Variants in SPEG observed in about 807,000 individuals in gnomAD.
The protein encoded by SPEG is striated muscle enriched protein kinase, also known as striated muscle preferentially expressed protein kinase.
SPEG carries 114 observed loss-of-function variants against 300.4 expected under a neutral mutation model. The observed-to-expected ratio is 0.38, with a 90% confidence interval of 0.33 to 0.44. SPEG has a LOEUF of 0.44. Among genes scored for constraint, SPEG ranks in the 20% least tolerant of loss-of-function variants. The probability of loss-of-function intolerance (pLI) is 1.00; values close to 1 mark genes in which losing one functional copy is unlikely to be tolerated. For missense variants in SPEG, 4,201 were observed against 4,586.2 expected (o/e 0.92, Z 2.43); for synonymous variants, 1,964 against 2,018.9 (o/e 0.97, Z 0.73).
intron 6 of SPEG, 50 bp from the exon 7 acceptor site, chr2:219,461,832 A>G (rs1323518627): frequency 1.9e-6 from 3 of 1,573,962 alleles, no homozygotes; most frequent in African/African-American, 1.4e-5. Flanking sequence ...CAGCTCTCCC[A>G]GGCTCTCTGC....
In SPEG at chr2:219,448,773, C is replaced by A; in HGVS notation, c.1615C>A (p.Pro539Thr). The A allele has an allele frequency of 6.9e-7, 1 of 1,439,340 alleles. No individual in the cohort carries two copies. 89.2% of individuals were successfully genotyped at this position (1,439,340 alleles called of 1,614,324 possible). A position where few individuals can be genotyped will look rare whatever the true frequency, so the allele number is the denominator to read the frequency against. Reference sequence around the variant, plus strand: ...CGGCGAGCCCCCGCTCTTCTCTCGGCCCTCCACCCCCAAGACATCGCGGGC... The same window carrying A: ...CGGCGAGCCCCCGCTCTTCTCTCGGACCTCCACCCCCAAGACATCGCGGGC... ...EPGEPPLFSR[P>T]STPKTSRAVS... Residue 539 changes from proline to threonine, a missense_variant, in exon 4 of 41, where the codon CCC becomes ACC. Physicochemically the swap from Pro to Thr is conservative, Grantham distance 38. This residue lies in a region of SPEG where 1,258 missense variants were observed against 1,293.9 expected (regional missense o/e 0.97). Transcript: ENST00000312358.
At chr2:219,472,404 G>A in intron 15 of SPEG, 73 bp downstream of exon 15, 2 of 1,352,234 alleles carry the variant, frequency 1.5e-6, no homozygotes, top group Non-Finnish European at 2.1e-6. Context: ...GGACACCATG[G>A]GGGCCAGGCC....
intron 18 of SPEG, among the ~76,000 whole-genome samples, chr2:219,475,384 T>A (rs541870586): frequency 6.6e-6 from 1 of 152,174 alleles, no homozygotes; most frequent in Non-Finnish European, 1.5e-5. Flanking sequence ...AACTTTCCGG[T>A]GCTTTGACCT....
At position 219,477,239 on chromosome 2, in the gene SPEG, G is replaced by A. The variant is rs748614318; in HGVS notation, c.4561-38G>A. The A allele has an allele frequency of 3.4e-6, 3 of 893,872 alleles. No individual in the cohort carries two copies. In the South Asian group the frequency reaches 4.8e-5, roughly 14 times the overall value. 55.4% of individuals were successfully genotyped at this position (893,872 alleles called of 1,614,324 possible). On this transcript the variant is annotated intron_variant, in intron 19 of 40. Coordinates refer to ENST00000312358, the MANE Select transcript of SPEG (RefSeq NM_005876.5). This position sits in a 1 kb window ranked among gnomAD's most constrained non-coding sequence, Gnocchi z 6.4. Reference sequence around the variant, plus strand: ...GGCCCTGGCCCCAAGGTAGAGATGAGGCCAGGCCCAGGCTGAAGGTGAGAC... The same window carrying A: ...GGCCCTGGCCCCAAGGTAGAGATGAAGCCAGGCCCAGGCTGAAGGTGAGAC...
In SPEG at chr2:219,481,438, T is replaced by C; in HGVS notation, c.5504T>C (p.Val1835Ala). Reference sequence around the variant, plus strand: ...GAGGCCCGGGGCTTCCTCATCAAAGTGTTGGTGCAGGACCGGCTGTGAGTA... The same window carrying C: ...GAGGCCCGGGGCTTCCTCATCAAAGCGTTGGTGCAGGACCGGCTGTGAGTA... ...SREARGFLIK[V>A]LVQDRLRPTA... The change falls in exon 27 of 41, where the codon GTG becomes GCG. Residue 1835 changes from valine to alanine, a missense_variant. This residue lies in a region of SPEG where 1,047 missense variants were observed against 1,356.8 expected (regional missense o/e 0.77). Coordinates refer to ENST00000312358, the MANE Select transcript of SPEG (RefSeq NM_005876.5). The surrounding 1 kb of genome is among the most constrained non-coding windows in gnomAD (Gnocchi z 5.4). 1 of 1,614,076 alleles carries C rather than the reference T, an allele frequency of 6.2e-7. No homozygotes were observed. Among genetic ancestry groups the C allele is most frequent in the South Asian group, 1.1e-5 (1 of 91,074 alleles).
At chr2:219,475,233 G>A (rs1443754858) in intron 18 of SPEG, among the ~76,000 whole-genome samples, 1 of 152,072 alleles carries the variant, frequency 6.6e-6, no homozygotes, top group African/African-American at 2.4e-5. Flanking sequence ...TGATCAACAT[G>A]GGCTAAACAG....
chr2:219,482,973 T>C, intron 29 of SPEG, 121 bp downstream of exon 29: 2 of 1,406,832 alleles, frequency 1.4e-6, no homozygotes, highest in South Asian at 2.5e-5. Flanking sequence ...GCTCCATGCC[T>C]AGCTTCCTGC....
chr2:219,470,683 G>A (rs1167032593), intron 13 of SPEG, among the ~76,000 whole-genome samples: 1 of 152,246 alleles, frequency 6.6e-6, no homozygotes. Flanking sequence ...TCCTCTCTGT[G>A]TCTTCGCCAG....
chr2:219,449,241 C>T lies in SPEG; in HGVS notation c.2083C>T (p.Arg695Cys). Residue 695 changes from arginine to cysteine, a missense_variant, in exon 4 of 41, where the codon CGC becomes TGC. Coordinates refer to ENST00000312358, the MANE Select transcript of SPEG (RefSeq NM_005876.5). ...RRGARSQGKGRRARPTSPELE... is the reference protein window; with the variant it reads ...RRGARSQGKGCRARPTSPELE... ...AGGGGCCCGCAGCCAGGGCAAAGGT[C>T]GCCGGGCCCGGCCCACCTCCCCTGA... 2 of 1,390,980 alleles carry T rather than the reference C, an allele frequency of 1.4e-6. No homozygotes were observed. 86.2% of individuals were successfully genotyped at this position (1,390,980 alleles called of 1,614,324 possible).
chr2:219,465,599 T>TCA (rs1363061260), intron 9 of SPEG: 5 of 209,560 alleles, frequency 2.4e-5, no homozygotes, highest in Non-Finnish European at 4.8e-5. Context: ...CCCCCAGGCT[T>TCA]TGGGGTGCTC....
chr2:219,490,286 G>T, intron 36 of SPEG, 123 bp from the exon 37 acceptor site: 1 of 1,360,112 alleles, frequency 7.4e-7, no homozygotes, highest in East Asian at 2.3e-5. Flanking sequence ...GAACTCTGGA[G>T]CCCACACTGG....
At position 219,484,709 on chromosome 2, in the gene SPEG, C is replaced by T; in HGVS notation, c.7246C>T (p.Arg2416Trp). ...VRRLSLSLSQRLRRTPPAQRH... is the reference protein window; with the variant it reads ...VRRLSLSLSQWLRRTPPAQRH... ...CCGCCTCTCGCTGTCACTGTCCCAGCGGCTGCGGCGGACCCCTCCCGCGCA... is the reference window on the plus strand; with the variant it reads ...CCGCCTCTCGCTGTCACTGTCCCAGTGGCTGCGGCGGACCCCTCCCGCGCA... The change falls in exon 30 of 41, where the codon CGG (arginine) becomes TGG (tryptophan). Residue 2416 changes from arginine to tryptophan, a missense_variant. By Grantham distance (101) the Arg-to-Trp change is moderately radical (BLOSUM62 -3). This residue lies in a region of SPEG where 1,578 missense variants were observed against 1,506.0 expected (regional missense o/e 1.05). Coordinates refer to ENST00000312358, the MANE Select transcript of SPEG (RefSeq NM_005876.5). 2 of 1,505,514 alleles carry T rather than the reference C, an allele frequency of 1.3e-6. No homozygotes were observed. The highest frequency in any genetic ancestry group is 8.8e-7 in the Non-Finnish European group (1 of 1,136,962). The allele number at this position is 1,505,514 out of a possible 1,614,324, so 93.3% of individuals were successfully genotyped here. A position where few individuals can be genotyped will look rare whatever the true frequency, so the allele number is the denominator to read the frequency against.
In SPEG at chr2:219,443,531, C is replaced by G. The variant is rs968306280; in HGVS notation, c.389-1122C>G. The G allele has an allele frequency of 1.5e-5, 5 of 326,178 alleles. No individual in the cohort carries two copies. The highest frequency in any genetic ancestry group is 1.4e-4 in the East Asian group (2 of 13,846). 20.2% of individuals were successfully genotyped at this position (326,178 alleles called of 1,614,324 possible). A position where few individuals can be genotyped will look rare whatever the true frequency, so the allele number is the denominator to read the frequency against. On this transcript the variant is annotated intron_variant, in intron 1 of 40. Transcript: ENST00000312358. This position sits in a 1 kb window ranked among gnomAD's most constrained non-coding sequence, Gnocchi z 4.6. ...GGAAAGTTGAAAATACTCCCAGGAA[C>G]CTTTTCTCCTAACCTAACCACTGGG...
rs1274915434 is a variant in SPEG, at chr2:219,489,123, T to A, written c.8219T>A (p.Val2740Asp). 6 of 1,613,938 alleles carry A rather than the reference T, an allele frequency of 3.7e-6. No homozygotes were observed. The highest frequency in any genetic ancestry group is 2.2e-5 in the South Asian group (2 of 91,082). The part of the protein sequence containing the change: ...DCYYNVTHLP[V>D]GVTVRFRVAC... ...TACTACAACGTGACCCACCTGCCAG[T>A]TGGCGTGACTGTGAGGTTCCGTGTG... Residue 2740 changes from valine to aspartate, a missense_variant, in exon 35 of 41, where the codon GTT (valine) becomes GAT (aspartate). By Grantham distance (152) the Val-to-Asp change is radical (BLOSUM62 -3). Coordinates refer to ENST00000312358, the MANE Select transcript of SPEG (RefSeq NM_005876.5).
At chr2:219,492,303 C>G in intron 40 of SPEG, 43 bp downstream of exon 40, 2 of 1,580,386 alleles carry the variant, frequency 1.3e-6, no homozygotes, top group Non-Finnish European at 1.7e-6. Context: ...GTTACCTGCC[C>G]CTGGCCTGGC....
intron 1 of SPEG, chr2:219,442,007 C>A (rs968414): frequency 7.1e-6 from 4 of 563,732 alleles, no homozygotes; most frequent in African/African-American, 2.0e-5. Context: ...CGCCCCCGCC[C>A]GTCCCCTCCT....
In SPEG at chr2:219,467,308, C is replaced by T. The variant is rs1239959623; in HGVS notation, c.3016C>T (p.Arg1006Cys). Reference sequence around the variant, plus strand: ...GGAGGTGGATTGGCTGTGCCGTGGCCGCCTGCTGCAGCCTGCACTGCTCAA... The same window carrying T: ...GGAGGTGGATTGGCTGTGCCGTGGCTGCCTGCTGCAGCCTGCACTGCTCAA... ...DVEVDWLCRG[R>C]LLQPALLKCK... Residue 1006 changes from arginine (R) to cysteine (C), a missense_variant, in exon 10 of 41, where the codon CGC (arginine) becomes TGC (cysteine). By Grantham distance (180) the Arg-to-Cys change is radical. Coordinates refer to ENST00000312358, the MANE Select transcript of SPEG (RefSeq NM_005876.5). 6.2e-6 allele frequency: 10 copies of T among 1,610,986 alleles called. No individual in the cohort carries two copies. The highest frequency in any genetic ancestry group is 5.5e-5 in the South Asian group (5 of 91,068).
chr2:219,439,037 C>T lies in SPEG; in HGVS notation c.388+3672C>T, dbSNP rs1954789626. On this transcript the variant is annotated intron_variant, in intron 1 of 40. Coordinates refer to ENST00000312358, the MANE Select transcript of SPEG (RefSeq NM_005876.5). The surrounding 1 kb of genome is among the most constrained non-coding windows in gnomAD (Gnocchi z 4.5). The stretch of plus-strand genomic sequence containing the variant: ...ACATGCATGCATGCCAAGTGCTGAC[C>T]AGTGAGCGGAGGAGAGGCCAGAGTG... Among the ~76,000 whole-genome samples, 1 of 152,130 alleles carries T rather than the reference C, an allele frequency of 6.6e-6. No individual in the cohort carries two copies. The highest frequency in any genetic ancestry group is 2.1e-4 in the South Asian group (1 of 4,824).
At position 219,488,792 on chromosome 2, in the gene SPEG, C is replaced by G. The variant is rs746356569; in HGVS notation, c.8041C>G (p.Leu2681Val). 7.5e-6 allele frequency: 12 copies of G among 1,603,014 alleles called. No homozygotes were observed. Reference sequence around the variant, plus strand: ...TCTCTTGCCAGGAGTCCCAGGAAAGCTAGCTCCTCCAGAGGTACCCCAGAC... The same window carrying G: ...TCTCTTGCCAGGAGTCCCAGGAAAGGTAGCTCCTCCAGAGGTACCCCAGAC... ...TVAVARVPGK[L>V]APPEVPQTYQ... The change falls in exon 34 of 41, where the codon CTA becomes GTA. Residue 2681 changes from leucine (L) to valine (V), a missense_variant. By Grantham distance (32) the Leu-to-Val change is conservative. Around this residue, in one of 4 missense-constraint regions of SPEG, gnomAD observed 1,578 missense variants for 1,506.0 expected, o/e 1.05. Coordinates refer to ENST00000312358, the MANE Select transcript of SPEG (RefSeq NM_005876.5).
Sources: gnomAD v4.1 joint callset for allele counts (sites outside exome capture counted in the v4.1 genomes callset) on GRCh38, gnomAD v4.1.1 for gene constraint, gnomAD v4.1.1 regional missense constraint, Gnocchi (gnomAD v3.1) non-coding constraint, MANE v1.5 for transcripts, NCBI Gene and HGNC (gene_info 2026-07-23, HGNC 2026-07-21) for gene names.